CSMD1: variants seen among roughly 807,000 people sequenced by gnomAD.
CSMD1 encodes the protein CUB and sushi domain-containing protein 1.
Under a neutral mutation model 417.5 loss-of-function variants are expected in CSMD1, and 213 were observed. The observed-to-expected ratio is 0.51, with a 90% confidence interval of 0.46 to 0.57. The LOEUF (loss-of-function observed/expected upper bound fraction) is 0.57, where lower values mean the gene tolerates loss of function less well. Among genes scored for constraint, CSMD1 ranks in the 20% least tolerant of loss-of-function variants. The probability of loss-of-function intolerance (pLI) is 0.00; values close to 1 mark genes in which losing one functional copy is unlikely to be tolerated. For missense variants in CSMD1, 6,923 were observed against 4,529.7 expected, an observed-to-expected ratio of 1.53 and a Z score of -15.17; for synonymous variants, 2,862 against 1,736.8, an observed-to-expected ratio of 1.65 and a Z score of -16.11.
At chr8:3,918,183 T>C (rs1051687071) in intron 5 of CSMD1, among the ~76,000 whole-genome samples, 1 of 152,232 alleles carries the variant, frequency 6.6e-6, no homozygotes, top group East Asian at 1.9e-4. Context: ...TTCAAAATCC[T>C]GATTTCATAT....
At chr8:4,417,274 C>G (rs533074580) in intron 3 of CSMD1, among the ~76,000 whole-genome samples, 9 of 152,056 alleles carry the variant, frequency 5.9e-5, no homozygotes, top group South Asian at 2.1e-4. Context: ...TAATTTGTTT[C>G]TATTCTCATT....
intron 5 of CSMD1, among the ~76,000 whole-genome samples, chr8:3,775,795 G>A (rs1042010302): frequency 6.6e-6 from 1 of 152,202 alleles, no homozygotes; most frequent in African/African-American, 2.4e-5. Context: ...GCATTGCTGG[G>A]TGCTGATGTC....
chr8:4,122,965 G>C (rs371333079), intron 3 of CSMD1, among the ~76,000 whole-genome samples: 1 of 152,232 alleles, frequency 6.6e-6, no homozygotes, highest in Non-Finnish European at 1.5e-5. Context: ...ACTGTGGCTA[G>C]ACCTACGGTG....
chr8:4,624,613 C>A (rs149268669), intron 2 of CSMD1, among the ~76,000 whole-genome samples: 16 of 152,276 alleles, frequency 1.1e-4, no homozygotes, highest in African/African-American at 3.6e-4. Flanking sequence ...ACATTGGACA[C>A]GCCTCACATT....
chr8:4,472,308 C>T (rs190467398), intron 2 of CSMD1, among the ~76,000 whole-genome samples: 1 of 152,214 alleles, frequency 6.6e-6, no homozygotes, highest in East Asian at 1.9e-4. Context: ...CTAATTTTTA[C>T]TTGACAACTT....
chr8:4,320,847 T>G (rs928738571), intron 3 of CSMD1, among the ~76,000 whole-genome samples: 25 of 152,162 alleles, frequency 1.6e-4, no homozygotes, highest in Admixed American at 9.2e-4. Context: ...CCCAAAGGAT[T>G]ATAAATCATT....
At chr8:4,445,361 A>G (rs1471358166) in intron 2 of CSMD1, among the ~76,000 whole-genome samples, 2 of 152,186 alleles carry the variant, frequency 1.3e-5, no homozygotes, top group African/African-American at 2.4e-5. Flanking sequence ...CTTTTCCTTA[A>G]TATCTCATTT....
chr8:3,367,294 A>C, intron 19 of CSMD1, 47 bp from the exon 20 acceptor site: 5 of 1,362,272 alleles, frequency 3.7e-6, no homozygotes, highest in Non-Finnish European at 5.1e-6. Flanking sequence ...AGAGAGACAC[A>C]CGGGGCGGCG....
chr8:4,607,088 T>C (rs1485803274), intron 2 of CSMD1, among the ~76,000 whole-genome samples: 1 of 152,208 alleles, frequency 6.6e-6, no homozygotes, highest in Non-Finnish European at 1.5e-5. Flanking sequence ...TGTTTATTCA[T>C]TTACTCAAGT....
At chr8:3,944,610 C>T (rs1458955335) in intron 5 of CSMD1, among the ~76,000 whole-genome samples, 1 of 152,116 alleles carries the variant, frequency 6.6e-6, no homozygotes. Flanking sequence ...GATATGCCAA[C>T]ATATTCACCA....
chr8:3,502,753 G>C (rs1024607011), intron 10 of CSMD1, among the ~76,000 whole-genome samples: 2 of 152,176 alleles, frequency 1.3e-5, no homozygotes, highest in Non-Finnish European at 2.9e-5. Flanking sequence ...TTAGGACAGT[G>C]AAACTCTCTG....
intron 2 of CSMD1, among the ~76,000 whole-genome samples, chr8:4,500,336 T>G (rs1048805435): frequency 2.0e-5 from 3 of 152,160 alleles, no homozygotes; most frequent in African/African-American, 7.2e-5. Context: ...CACCACACAG[T>G]AGAATCACTA....
rs145035299 is a variant in CSMD1 at position 3,989,652 on chromosome 8, G to T, written c.818+8251C>A. 6.0e-3 allele frequency among the ~76,000 whole-genome samples: 910 copies of T among 152,268 alleles called. 9 individuals are homozygous for T. Among genetic ancestry groups the T allele is most frequent in the African/African-American group, 0.021 (881 of 41,556 alleles). On this transcript the variant is annotated intron_variant, in intron 5 of 69. Coordinates refer to ENST00000635120, the MANE Select transcript of CSMD1 (RefSeq NM_033225.6). ...CAAAAAAAATTAAAGTCTTTATGATGTATATGTTTATTAAGAAACGATACT... is the reference window on the plus strand; with the variant it reads ...CAAAAAAAATTAAAGTCTTTATGATTTATATGTTTATTAAGAAACGATACT...
chr8:4,784,405 G>A (rs1797300874), intron 1 of CSMD1, among the ~76,000 whole-genome samples: 3 of 152,146 alleles, frequency 2.0e-5, no homozygotes, highest in Admixed American at 2.0e-4. Context: ...ATTACAAAGG[G>A]AAGAACAAAC....
At chr8:3,361,486 A>G (rs1809165432) in intron 20 of CSMD1, among the ~76,000 whole-genome samples, 1 of 151,602 alleles carries the variant, frequency 6.6e-6, no homozygotes, top group African/African-American at 2.4e-5. Flanking sequence ...AAAATAAAAT[A>G]AAAAATAACA....
chr8:3,982,590 C>T (rs994627035), intron 5 of CSMD1, among the ~76,000 whole-genome samples: 1 of 151,006 alleles, frequency 6.6e-6, no homozygotes, highest in African/African-American at 2.4e-5. Context: ...TAGAATTTCA[C>T]TACTATTATG....
chr8:4,069,365 G>A (rs1370677859), intron 3 of CSMD1, among the ~76,000 whole-genome samples: 1 of 152,148 alleles, frequency 6.6e-6, no homozygotes, highest in African/African-American at 2.4e-5. Flanking sequence ...AACCACTGGT[G>A]ATTTTTACTT....
At chr8:4,149,517 G>T (rs562037081) in intron 3 of CSMD1, among the ~76,000 whole-genome samples, 38 of 152,242 alleles carry the variant, frequency 2.5e-4, no homozygotes, top group African/African-American at 7.7e-4. Flanking sequence ...AATACTCAGG[G>T]AACTACCATT....
At chr8:3,233,416 GA>G (rs2116924657) in intron 26 of CSMD1, among the ~76,000 whole-genome samples, 1 of 152,280 alleles carries the variant, frequency 6.6e-6, no homozygotes, top group Non-Finnish European at 1.5e-5. Context: ...CTCGACCTTG[GA>G]CTTCTCAGCC....
Sources: gnomAD v4.1 joint callset for allele counts (sites outside exome capture counted in the v4.1 genomes callset) on GRCh38, gnomAD v4.1.1 for gene constraint, MANE v1.5 for transcripts, NCBI Gene and HGNC (gene_info 2026-07-23, HGNC 2026-07-21) for gene names.